The following NEDD4L variants were observed in gnomAD, a reference collection of about 807,000 sequenced individuals.
NEDD4L encodes E3 ubiquitin-protein ligase NEDD4-like.
A neutral mutation model predicts 148.9 loss-of-function variants in NEDD4L; 54 were observed. The ratio of observed to expected loss-of-function variants is 0.36; its 90% confidence interval spans 0.29 to 0.45. The LOEUF is 0.45. Ranked by LOEUF, NEDD4L falls within the 20% of genes least tolerant of loss-of-function variation. The probability of loss-of-function intolerance (pLI) is 1.00; values close to 1 mark genes in which losing one functional copy is unlikely to be tolerated. For synonymous variants in NEDD4L, 433 were observed against 440.7 expected, an observed-to-expected ratio of 0.98 and a Z score of 0.22; for missense variants, 856 against 1,233.8, an observed-to-expected ratio of 0.69 and a Z score of 4.59.
intron 2 of NEDD4L, among the ~76,000 whole-genome samples, chr18:58,242,213 G>C (rs2046716555): frequency 6.6e-6 from 1 of 152,178 alleles, no homozygotes; most frequent in Non-Finnish European, 1.5e-5. Flanking sequence ...GTCAAAAGGA[G>C]CAACAGAGAA....
At chr18:58,285,326 GGT>G (rs56971358) in intron 5 of NEDD4L, among the ~76,000 whole-genome samples, 5 of 150,500 alleles carry the variant, frequency 3.3e-5, no homozygotes, top group East Asian at 3.9e-4. Flanking sequence ...TGTGTGTGTG[GGT>G]GTGTGTGTGT....
intron 23 of NEDD4L, among the ~76,000 whole-genome samples, chr18:58,370,761 C>G (rs944961339): frequency 1.3e-5 from 2 of 152,206 alleles, no homozygotes; most frequent in African/African-American, 2.4e-5. Flanking sequence ...AGCTGAAGAT[C>G]TATGGTAGCC....
At chr18:58,273,353 A>C (rs920982343) in intron 5 of NEDD4L, among the ~76,000 whole-genome samples, 1 of 152,240 alleles carries the variant, frequency 6.6e-6, no homozygotes, top group Non-Finnish European at 1.5e-5. Flanking sequence ...TTTTCACAGG[A>C]AAAACAAAGA....
intron 8 of NEDD4L, 129 bp from the exon 9 acceptor site, chr18:58,324,867 C>T (rs2144393001): frequency 5.1e-6 from 4 of 782,100 alleles, no homozygotes; most frequent in East Asian, 5.0e-5. Context: ...TCAAATGTGG[C>T]CCCGAAGCCA....
At chr18:58,130,419 C>T (rs1027147064) in intron 1 of NEDD4L, among the ~76,000 whole-genome samples, 30 of 116,550 alleles carry the variant, frequency 2.6e-4, no homozygotes, top group African/African-American at 6.7e-4. Flanking sequence ...TGTGATCTAG[C>T]GGAACTGTGG....
intron 2 of NEDD4L, among the ~76,000 whole-genome samples, chr18:58,213,748 G>C (rs1257416560): frequency 6.6e-6 from 1 of 150,700 alleles, no homozygotes; most frequent in South Asian, 2.1e-4. Context: ...TTTGGTTTTT[G>C]TTGTTGTTGT....
chr18:58,276,201 T>G (rs9789135), intron 5 of NEDD4L, among the ~76,000 whole-genome samples: 7 of 74,800 alleles, frequency 9.4e-5, no homozygotes, highest in Admixed American at 1.3e-4. Flanking sequence ...TTCGTTTTTT[T>G]TTTTTTTTTT....
intron 2 of NEDD4L, chr18:58,221,790 T>C: frequency 1.2e-6 from 1 of 840,728 alleles, no homozygotes; most frequent in Non-Finnish European, 1.4e-6. Flanking sequence ...ATGTTTGCTA[T>C]ATGAATGCAT....
intron 20 of NEDD4L, 114 bp from the exon 21 acceptor site, chr18:58,365,885 A>T: frequency 1.5e-6 from 1 of 674,744 alleles, no homozygotes; most frequent in Non-Finnish European, 2.5e-6. Flanking sequence ...ACCATTTGTC[A>T]CTGCCTGTTT....
At position 58,062,560 on chromosome 18, in the gene NEDD4L, A is replaced by G. The variant is rs150343269; in HGVS notation, c.48+17852A>G. ...TAAAACTTAGCTGTTTGTTGCTGTC[A>G]TCTAAATGTAGTTGGTAGCCAGCCT... On this transcript the variant is annotated intron_variant, in intron 1 of 30. Transcript: ENST00000400345. 5.3e-5 allele frequency among the ~76,000 whole-genome samples: 8 copies of G among 152,346 alleles called. No homozygotes were observed. The East Asian group carries it at 1.2e-3, about 22-fold the overall frequency.
intron 1 of NEDD4L, among the ~76,000 whole-genome samples, chr18:58,119,887 C>T (rs1319652980): frequency 6.6e-6 from 1 of 152,224 alleles, no homozygotes; most frequent in East Asian, 1.9e-4. Flanking sequence ...GGGTGGTTCT[C>T]ATAGCAGCCA....
intron 1 of NEDD4L, among the ~76,000 whole-genome samples, chr18:58,067,035 A>T (rs928390257): frequency 4.6e-5 from 7 of 152,190 alleles, no homozygotes; most frequent in Admixed American, 2.0e-4. Context: ...TTAAAAAAAA[A>T]TTTTTAAGAT....
chr18:58,354,000 A>G (rs192181523), intron 18 of NEDD4L, among the ~76,000 whole-genome samples: 8 of 152,368 alleles, frequency 5.3e-5, no homozygotes, highest in African/African-American at 1.9e-4. Flanking sequence ...GAGAAGTTAG[A>G]CATTTTCAAG....
intron 1 of NEDD4L, among the ~76,000 whole-genome samples, chr18:58,126,768 C>T (rs1313869191): frequency 2.0e-5 from 3 of 152,222 alleles, no homozygotes; most frequent in Admixed American, 6.5e-5. Context: ...CCCCAGCAGT[C>T]GGTTACCCTT....
intron 5 of NEDD4L, among the ~76,000 whole-genome samples, chr18:58,283,721 C>A (rs1024478945): frequency 5.3e-5 from 8 of 152,048 alleles, no homozygotes; most frequent in African/African-American, 1.9e-4. Context: ...CTCGTCACTT[C>A]ATTATTGCTC....
Position 58,322,461 on chromosome 18 carries a change from A to G in NEDD4L, c.385A>G (p.Lys129Glu). The G allele has an allele frequency of 1.2e-6, 2 of 1,602,700 alleles. No homozygotes were observed. The highest frequency in any genetic ancestry group is 1.7e-6 in the Non-Finnish European group (2 of 1,171,978). ...AACCATGGAGCGACCCTATACATTT[A>G]AGGACTTTCTCCTCAGACCAAGAAG... ...DPTMERPYTF[K>E]DFLLRPRSHK... The change falls in exon 7 of 31, where the codon AAG (lysine) becomes GAG (glutamate). Residue 129 changes from lysine (K) to glutamate (E), a missense_variant. Lys to Glu is a moderately conservative substitution (Grantham distance 56). Coordinates refer to ENST00000400345, the MANE Select transcript of NEDD4L (RefSeq NM_001144967.3).
chr18:58,255,697 A>G (rs2048433075), intron 5 of NEDD4L: 1 of 1,232,470 alleles, frequency 8.1e-7, no homozygotes, highest in Non-Finnish European at 1.0e-6. Flanking sequence ...CAGCCCCCGA[A>G]TCAGACATCC....
intron 13 of NEDD4L, 120 bp from the exon 14 acceptor site, chr18:58,340,918 A>G: frequency 3.9e-6 from 4 of 1,029,114 alleles, no homozygotes; most frequent in Non-Finnish European, 5.6e-6. Context: ...TGTTTTCTAT[A>G]TAAATAGATC....
chr18:58,152,976 G>T (rs752844626), intron 1 of NEDD4L, among the ~76,000 whole-genome samples: 2 of 152,138 alleles, frequency 1.3e-5, no homozygotes, highest in Non-Finnish European at 2.9e-5. Flanking sequence ...AGCCACCTAT[G>T]GGGTGGCTGA....
Sources: gnomAD v4.1 joint callset for allele counts (sites outside exome capture counted in the v4.1 genomes callset) on GRCh38, gnomAD v4.1.1 for gene constraint, MANE v1.5 for transcripts, NCBI Gene and HGNC (gene_info 2026-07-23, HGNC 2026-07-21) for gene names.